C13orf42: variants seen among roughly 807,000 people sequenced by gnomAD.
C13orf42 encodes uncharacterized protein C13orf42.
chr13:51,115,359 C>T (rs9568522), upstream of C13orf42, among the ~76,000 whole-genome samples: 41,764 of 152,046 alleles, frequency 0.27, 6,644 homozygotes, highest in Non-Finnish European at 0.37. Flanking sequence ...CACCTGCTTA[C>T]GGGGCATTTG....
At chr13:51,164,753 G>A (rs762992820) in intron 1 of C13orf42, among the ~76,000 whole-genome samples, 45 of 152,330 alleles carry the variant, frequency 3.0e-4, no homozygotes, top group Admixed American at 2.6e-3. Context: ...TGGAGACAGT[G>A]AAGCAAAATT....
At position 51,155,080 on chromosome 13, in the gene C13orf42, A is replaced by G. The variant is rs573773385; in HGVS notation, n.136+17173T>C. Among the ~76,000 whole-genome samples the G allele has an allele frequency of 7.0e-4, 106 of 152,330 alleles. 2 individuals carry two copies. Among genetic ancestry groups the G allele is most frequent in the South Asian group, 1.5e-3 (7 of 4,826 alleles). On this transcript the variant is annotated intron_variant and non_coding_transcript_variant, in intron 1 of 4. Coordinates refer to the C13orf42 transcript ENST00000433280. ...TACCTCAAACCCTCAATTCTTAACT[A>G]TCTCCTGGATGATGCTCAATTTAAA...
At chr13:51,087,794 C>T (rs530537231) in intron 2 of C13orf42, 134 bp downstream of exon 2, 2 of 395,504 alleles carry the variant, frequency 5.1e-6, no homozygotes, top group Admixed American at 4.4e-5. Context: ...TGCAGGGTTT[C>T]CCTTTAATCA....
intron 1 of C13orf42, among the ~76,000 whole-genome samples, chr13:51,094,801 C>A (rs897450110): frequency 1.1e-4 from 17 of 152,010 alleles, no homozygotes; most frequent in Non-Finnish European, 1.9e-4. Flanking sequence ...TTTAAAGATA[C>A]CACTTTTAAT....
chr13:51,141,527 C>G lies in C13orf42; in HGVS notation n.137-28305G>C, dbSNP rs895965595. Among the ~76,000 whole-genome samples the G allele has an allele frequency of 1.9e-4, 29 of 152,188 alleles. No individual in the cohort carries two copies. The South Asian group carries it at 2.3e-3, about 12-fold the overall frequency. On this transcript the variant is annotated intron_variant and non_coding_transcript_variant, in intron 1 of 4. Coordinates refer to the C13orf42 transcript ENST00000433280. ...TTAAAGAAAAATAAAAGGCTAGGTGCAGTGGCTCACACTTGTAATCTCAGT... is the reference window on the plus strand; with the variant it reads ...TTAAAGAAAAATAAAAGGCTAGGTGGAGTGGCTCACACTTGTAATCTCAGT...
At chr13:51,112,940 A>C (rs140517196), upstream of C13orf42, among the ~76,000 whole-genome samples, 10 of 152,308 alleles carry the variant, frequency 6.6e-5, no homozygotes, top group Non-Finnish European at 1.5e-4. Context: ...CTCATGCATA[A>C]TATCAAAGCA....
At chr13:51,088,704 A>G (rs905643643) in intron 1 of C13orf42, among the ~76,000 whole-genome samples, 1 of 152,176 alleles carries the variant, frequency 6.6e-6, no homozygotes, top group Non-Finnish European at 1.5e-5. Context: ...AAAAATAAAA[A>G]TTTTTTTAAA....
chr13:51,169,292 T>C (rs1325024549), intron 1 of C13orf42, among the ~76,000 whole-genome samples: 1 of 152,104 alleles, frequency 6.6e-6, no homozygotes, highest in African/African-American at 2.4e-5. Flanking sequence ...AGGTCTCAGA[T>C]GGAGATGAGG....
chr13:51,141,744 A>G (rs1431947070), intron 1 of C13orf42, among the ~76,000 whole-genome samples: 2 of 151,508 alleles, frequency 1.3e-5, no homozygotes, highest in Non-Finnish European at 2.9e-5. Flanking sequence ...GTTGCAGTGA[A>G]CCGAGATCCC....
At chr13:51,088,704 A>T (rs905643643) in intron 1 of C13orf42, among the ~76,000 whole-genome samples, 26 of 152,294 alleles carry the variant, frequency 1.7e-4, no homozygotes, top group African/African-American at 2.2e-4. Flanking sequence ...AAAAATAAAA[A>T]TTTTTTTAAA....
rs370815153 is a variant in C13orf42, at chr13:51,154,905, C to T, written n.136+17348G>A. 4.6e-5 allele frequency among the ~76,000 whole-genome samples: 7 copies of T among 152,298 alleles called. No homozygotes were observed. In the East Asian group the frequency reaches 1.2e-3, roughly 25 times the overall value. On this transcript the variant is annotated intron_variant and non_coding_transcript_variant, in intron 1 of 4. Coordinates refer to the C13orf42 transcript ENST00000433280. ...GCCCAAGGGTAGAAAGCAGGCTGTGCATGAGTCACTGTCCTGCTTTTAAGG... is the reference window on the plus strand; with the variant it reads ...GCCCAAGGGTAGAAAGCAGGCTGTGTATGAGTCACTGTCCTGCTTTTAAGG...
At chr13:51,143,040 A>T (rs1953707674) in intron 1 of C13orf42, among the ~76,000 whole-genome samples, 1 of 152,206 alleles carries the variant, frequency 6.6e-6, no homozygotes, top group African/African-American at 2.4e-5. Flanking sequence ...AAAATTTTTT[A>T]AATTAAGGTC....
chr13:51,090,939 G>A (rs1329461614), intron 1 of C13orf42, among the ~76,000 whole-genome samples: 1 of 152,228 alleles, frequency 6.6e-6, no homozygotes, highest in African/African-American at 2.4e-5. Context: ...TGTCATCCAA[G>A]CTAGTGGACA....
intron 1 of C13orf42, among the ~76,000 whole-genome samples, chr13:51,169,833 A>G (rs991456736): frequency 3.3e-5 from 5 of 152,234 alleles, no homozygotes; most frequent in Admixed American, 2.6e-4. Context: ...GAAATCCTTG[A>G]ATGTCCAGGA....
intron 1 of C13orf42, among the ~76,000 whole-genome samples, chr13:51,092,870 C>G (rs542500803): frequency 6.6e-6 from 1 of 152,262 alleles, no homozygotes; most frequent in South Asian, 2.1e-4. Flanking sequence ...ATATACTCAT[C>G]ATCAGCAACA....
chr13:51,133,471 T>C (rs1953634333), intron 1 of C13orf42, among the ~76,000 whole-genome samples: 2 of 152,356 alleles, frequency 1.3e-5, no homozygotes, highest in East Asian at 1.9e-4. Context: ...TTGTGAATTT[T>C]AGTTATGTAT....
intron 1 of C13orf42, among the ~76,000 whole-genome samples, chr13:51,124,413 T>C (rs1376866921): frequency 1.3e-5 from 2 of 152,164 alleles, no homozygotes; most frequent in Non-Finnish European, 2.9e-5. Context: ...GCGGACAAGG[T>C]GAATCCACTG....
chr13:51,159,361 C>A (rs1231554529), intron 1 of C13orf42, among the ~76,000 whole-genome samples: 1 of 152,116 alleles, frequency 6.6e-6, no homozygotes, highest in Non-Finnish European at 1.5e-5. Context: ...GACTAGGGAA[C>A]AGTGTGGGGG....
rs1887705 is a variant in C13orf42, at chr13:51,091,132, C to T, written c.415-3057G>A. ...ACTCTGAAACACTGACAAGTGAGCT[C>T]CTTGGCTGACACTGAAGAGCCTGTT... On this transcript the variant is annotated intron_variant, in intron 1 of 3. Transcript: ENST00000563710. Among the ~76,000 whole-genome samples the T allele has an allele frequency of 4.5e-3, 681 of 152,328 alleles. 4 individuals carry two copies. The highest frequency in any genetic ancestry group is 6.9e-3 in the Non-Finnish European group (472 of 68,034).
Sources: gnomAD v4.1 joint callset for allele counts (sites outside exome capture counted in the v4.1 genomes callset) on GRCh38, gnomAD v4.1.1 for gene constraint, MANE v1.5 for transcripts, NCBI Gene and HGNC (gene_info 2026-07-23, HGNC 2026-07-21) for gene names.